The following PRUNE2 variants were observed in gnomAD, a reference collection of about 807,000 sequenced individuals.
The protein encoded by PRUNE2 is protein prune homolog 2.
A neutral mutation model predicts 252.0 loss-of-function variants in PRUNE2; 164 were observed. The observed-to-expected ratio is 0.65, with a 90% CI of 0.57 to 0.74. PRUNE2 has a LOEUF of 0.74. Among genes scored for constraint, PRUNE2 ranks in the 30% least tolerant of loss-of-function variants. The pLI is 0.00. For synonymous variants in PRUNE2, 1,292 were observed against 1,350.2 expected (o/e 0.96, Z 0.94); for missense variants, 3,495 against 3,711.0 (o/e 0.94, Z 1.51).
At chr9:76,696,845 T>C (rs1472038836) in intron 9 of PRUNE2, among the ~76,000 whole-genome samples, 2 of 152,226 alleles carry the variant, frequency 1.3e-5, no homozygotes, top group Admixed American at 6.5e-5. Flanking sequence ...TGGCCTTTTC[T>C]ACCTGAAATA....
intron 4 of PRUNE2, among the ~76,000 whole-genome samples, chr9:76,840,120 A>C (rs1233645204): frequency 6.6e-6 from 1 of 152,146 alleles, no homozygotes; most frequent in African/African-American, 2.4e-5. Flanking sequence ...TATAATATTT[A>C]AAGTCTTGGA....
chr9:76,855,082 A>AAAAAAAAAAAAAATATATATAT (rs1490285240), intron 1 of PRUNE2, among the ~76,000 whole-genome samples: 7 of 109,410 alleles, frequency 6.4e-5, no homozygotes, highest in African/African-American at 2.7e-4. Flanking sequence ...AAAAAAAAAA[A>AAAAAAAAAAAAAATATATATAT]ATATATATAT....
chr9:76,746,780 AAC>A (rs2050164689), intron 6 of PRUNE2, among the ~76,000 whole-genome samples: 1 of 151,092 alleles, frequency 6.6e-6, no homozygotes, highest in Admixed American at 6.6e-5. Context: ...GGGATAGCCG[AAC>A]ACACAGAGGC....
chr9:76,775,498 G>GC (rs2053639610), intron 6 of PRUNE2, among the ~76,000 whole-genome samples: 1 of 151,766 alleles, frequency 6.6e-6, no homozygotes, highest in Non-Finnish European at 1.5e-5. Flanking sequence ...ATGGGATCTC[G>GC]CTATGCTGCC....
chr9:76,660,247 A>G (rs1316878339), intron 9 of PRUNE2, among the ~76,000 whole-genome samples: 7 of 152,172 alleles, frequency 4.6e-5, no homozygotes, highest in Non-Finnish European at 7.3e-5. Flanking sequence ...CTGAACTTCT[A>G]TATAGGGCTC....
chr9:76,845,766 T>C (rs529183290), intron 4 of PRUNE2, among the ~76,000 whole-genome samples: 2 of 152,324 alleles, frequency 1.3e-5, no homozygotes, highest in African/African-American at 2.4e-5. Flanking sequence ...GTGTTCAAAA[T>C]GGATTGGTGG....
At chr9:76,718,503 T>C (rs1052194568) in intron 6 of PRUNE2, among the ~76,000 whole-genome samples, 63 of 152,212 alleles carry the variant, frequency 4.1e-4, no homozygotes, top group African/African-American at 1.4e-3. Context: ...CAGTATTCCA[T>C]GAGATTGACC....
At chr9:76,667,054 A>G (rs910196352) in intron 9 of PRUNE2, among the ~76,000 whole-genome samples, 6 of 152,334 alleles carry the variant, frequency 3.9e-5, no homozygotes, top group African/African-American at 9.6e-5. Context: ...CACAAAAAAA[A>G]AGAAAATTCT....
At position 76,710,650 on chromosome 9, in the gene PRUNE2, T is replaced by C. The variant is rs764444050; in HGVS notation, c.1624A>G (p.Met542Val). The C allele has an allele frequency of 3.1e-6, 5 of 1,612,250 alleles. No individual in the cohort carries two copies. In the African/African-American group the frequency reaches 4.0e-5, roughly 13 times the overall value. ...GAATAATTAGACATGTTGGTTCCCA[T>C]GCCATCAAGTCCTTCAGGCCCAGCG... is the stretch of plus-strand genomic sequence containing the variant. ...LPAGPEGLDG[M>V]GTNMSNYSSS... Residue 542 changes from methionine (M) to valine (V), a missense_variant, in exon 8 of 19, where the codon ATG becomes GTG. Coordinates refer to ENST00000376718, the MANE Select transcript of PRUNE2 (RefSeq NM_015225.3).
chr9:76,720,186 G>A (rs1290160149), intron 6 of PRUNE2, among the ~76,000 whole-genome samples: 1 of 152,168 alleles, frequency 6.6e-6, no homozygotes, highest in Non-Finnish European at 1.5e-5. Context: ...GTGTTAACTG[G>A]AAGATAATTT....
chr9:76,826,462 G>A (rs1018597590), intron 5 of PRUNE2, 118 bp downstream of exon 5: 4 of 757,196 alleles, frequency 5.3e-6, no homozygotes, highest in Non-Finnish European at 6.3e-6. Flanking sequence ...GATAGAGTGA[G>A]ACTCTGTATA....
At chr9:76,824,161 C>T (rs1002524195) in intron 5 of PRUNE2, among the ~76,000 whole-genome samples, 1 of 152,176 alleles carries the variant, frequency 6.6e-6, no homozygotes, top group Non-Finnish European at 1.5e-5. Context: ...GCCTCCATCC[C>T]TACCTGTTCC....
chr9:76,868,263 AGCTATG>A (rs2060962463), intron 1 of PRUNE2, among the ~76,000 whole-genome samples: 1 of 152,116 alleles, frequency 6.6e-6, no homozygotes. Flanking sequence ...AAAATAACAA[AGCTATG>A]ATACCATTCG....
At chr9:76,667,626 G>A (rs2040451936) in intron 9 of PRUNE2, among the ~76,000 whole-genome samples, 1 of 152,232 alleles carries the variant, frequency 6.6e-6, no homozygotes, top group Non-Finnish European at 1.5e-5. Flanking sequence ...AAATGCCTTG[G>A]ACAAGCTGGC....
chr9:76,719,821 A>AT (rs1446782281), intron 6 of PRUNE2, among the ~76,000 whole-genome samples: 2 of 151,316 alleles, frequency 1.3e-5, no homozygotes, highest in South Asian at 4.3e-4. Flanking sequence ...TAATTTTTTT[A>AT]TTTTTTGTAG....
intron 13 of PRUNE2, among the ~76,000 whole-genome samples, chr9:76,637,879 C>CA (rs1840828173): frequency 1.3e-5 from 2 of 152,172 alleles, no homozygotes; most frequent in African/African-American, 4.8e-5. Flanking sequence ...AGGTTATAGT[C>CA]AGTCTTAGCT....
intron 6 of PRUNE2, among the ~76,000 whole-genome samples, chr9:76,815,980 A>G (rs1589376865): frequency 1.3e-5 from 2 of 151,966 alleles, no homozygotes; most frequent in South Asian, 4.2e-4. Flanking sequence ...GGCCAACATG[A>G]TGAAACCCCA....
intron 1 of PRUNE2, among the ~76,000 whole-genome samples, chr9:76,864,454 C>A (rs1033405285): frequency 6.8e-6 from 1 of 147,300 alleles, no homozygotes; most frequent in South Asian, 2.1e-4. Context: ...TAAAGAAATA[C>A]ATAAATAAAT....
At chr9:76,746,705 C>G (rs2050142808) in intron 6 of PRUNE2, among the ~76,000 whole-genome samples, 1 of 95,376 alleles carries the variant, frequency 1.0e-5, no homozygotes, top group African/African-American at 5.0e-5. Flanking sequence ...GAGCGAGACT[C>G]CGTCTCAAAA....
Sources: gnomAD v4.1 joint callset for allele counts (sites outside exome capture counted in the v4.1 genomes callset) on GRCh38, gnomAD v4.1.1 for gene constraint, MANE v1.5 for transcripts, NCBI Gene and HGNC (gene_info 2026-07-23, HGNC 2026-07-21) for gene names.